MYO7B: variants seen among roughly 807,000 people sequenced by gnomAD.
MYO7B encodes the protein myosin VIIB.
A neutral mutation model predicts 259.7 loss-of-function variants in MYO7B; 212 were observed. The ratio of observed to expected loss-of-function variants is 0.82; its 90% confidence interval spans 0.73 to 0.91. The LOEUF is 0.91. Ranked by LOEUF, MYO7B falls within the 40% of genes least tolerant of loss-of-function variation. The pLI, the probability that MYO7B is intolerant of heterozygous loss-of-function variation, is 0.00. For missense variants in MYO7B, 2,732 were observed against 2,813.5 expected (o/e 0.97, Z 0.66); for synonymous variants, 1,197 against 1,166.4 (o/e 1.03, Z -0.54).
rs1194337397 is a variant in MYO7B at position 127,632,325 on chromosome 2, G to A, written c.5329G>A (p.Ala1777Thr). 1.9e-6 allele frequency: 3 copies of A among 1,607,672 alleles called. No individual in the cohort carries two copies. Among genetic ancestry groups the A allele is most frequent in the Admixed American group, 1.7e-5 (1 of 58,630 alleles). The change falls in exon 39 of 48, where the codon GCC becomes ACC. Residue 1777 changes from alanine (A) to threonine (T), a missense_variant. Physicochemically the swap from Ala to Thr is moderately conservative, Grantham distance 58. Around this residue, in one of 3 missense-constraint regions of MYO7B, gnomAD observed 821 missense variants for 769.3 expected, o/e 1.07. Coordinates refer to ENST00000409816, the MANE Select transcript of MYO7B (RefSeq NM_001393586.1). ...FPPSKGLLPH[A>T]QKFIDTRRGK... ...GCCCAGCAAGGGGCTGCTGCCCCATGCCCAGAAGTTTATAGACACTCGGAG... is the reference window on the plus strand; with the variant it reads ...GCCCAGCAAGGGGCTGCTGCCCCATACCCAGAAGTTTATAGACACTCGGAG...
chr2:127,603,573 T>C (rs1014464244), intron 19 of MYO7B, among the ~76,000 whole-genome samples: 5 of 152,198 alleles, frequency 3.3e-5, no homozygotes, highest in African/African-American at 1.2e-4. Flanking sequence ...ATGCTATAAA[T>C]AGATGTGCTG....
rs999315433 is a variant in MYO7B, at chr2:127,578,220, T to C, written c.937T>C (p.Ser313Pro). 7.4e-6 allele frequency: 12 copies of C among 1,613,580 alleles called. No individual in the cohort carries two copies. Among genetic ancestry groups the C allele is most frequent in the Non-Finnish European group, 9.3e-6 (11 of 1,179,838 alleles). ...SAMKILQFSD[S>P]ESWDVIKLLA... ...CATGAAGATCCTCCAGTTCTCCGACTCCGAGAGCTGGGACGTCATCAAGCT... is the reference window on the plus strand; with the variant it reads ...CATGAAGATCCTCCAGTTCTCCGACCCCGAGAGCTGGGACGTCATCAAGCT... The change falls in exon 9 of 48, where the codon TCC becomes CCC. Residue 313 changes from serine (S) to proline (P), a missense_variant. By Grantham distance (74) the Ser-to-Pro change is moderately conservative. This residue lies in a region of MYO7B where 1,906 missense variants were observed against 2,026.4 expected (regional missense o/e 0.94). Coordinates refer to ENST00000409816, the MANE Select transcript of MYO7B (RefSeq NM_001393586.1).
rs1573720676 is a variant in MYO7B at position 127,629,645 on chromosome 2, A to G, written c.4625A>G (p.Asp1542Gly). The part of the protein sequence containing the change: ...AMALQDRKAT[D>G]DTTLLAFKKG... The stretch of plus-strand genomic sequence containing the variant: ...GCAAATAGCCTCCCTGCCCTTACAG[A>G]TGACACCACCCTCCTGGCCTTCAAG... Residue 1542 changes from aspartate (D) to glycine (G), a missense_variant and splice_region_variant, in exon 35 of 48, where the codon GAT becomes GGT. Physicochemically the swap from Asp to Gly is moderately conservative, Grantham distance 94. Around this residue, in one of 3 missense-constraint regions of MYO7B, gnomAD observed 5 missense variants for 17.7 expected, o/e 0.28. Coordinates refer to ENST00000409816, the MANE Select transcript of MYO7B (RefSeq NM_001393586.1). 1.2e-6 allele frequency: 2 copies of G among 1,611,596 alleles called. No homozygotes were observed. Among genetic ancestry groups the G allele is most frequent in the Middle Eastern group, 1.7e-4 (1 of 6,052 alleles).
chr2:127,575,398 C>T lies in MYO7B; in HGVS notation c.736-1197C>T, dbSNP rs60117709. ...ATACCCTGAAATGGGCAGGAAATTT[C>T]TAAAGCAGGTGAGAAACAAGGCCTG... On this transcript the variant is annotated intron_variant, in intron 7 of 47. Coordinates refer to ENST00000409816, the MANE Select transcript of MYO7B (RefSeq NM_001393586.1). 1.2e-4 allele frequency among the ~76,000 whole-genome samples: 18 copies of T among 152,048 alleles called. 1 individual carries two copies. The East Asian group carries it at 3.5e-3, about 29-fold the overall frequency.
Position 127,573,907 on chromosome 2 carries a change from C to A in MYO7B, c.593-13C>A. ...CTCTGCTCCCATCATGGGCATCGCCCGCTTACCTTCAGCCTTTGGAAATGC... is the reference window on the plus strand; with the variant it reads ...CTCTGCTCCCATCATGGGCATCGCCAGCTTACCTTCAGCCTTTGGAAATGC... On this transcript the variant is annotated splice_polypyrimidine_tract_variant and intron_variant, in intron 6 of 47. Coordinates refer to ENST00000409816, the MANE Select transcript of MYO7B (RefSeq NM_001393586.1). The A allele has an allele frequency of 6.2e-7, 1 of 1,614,012 alleles. No individual in the cohort carries two copies. The highest frequency in any genetic ancestry group is 8.5e-7 in the Non-Finnish European group (1 of 1,179,876).
intron 6 of MYO7B, among the ~76,000 whole-genome samples, chr2:127,571,452 T>G (rs1294767119): frequency 5.7e-5 from 8 of 140,532 alleles, no homozygotes; most frequent in African/African-American, 7.9e-5. Flanking sequence ...GTTTTTTTTT[T>G]TTTTTTTGCT....
intron 1 of MYO7B, among the ~76,000 whole-genome samples, chr2:127,536,051 G>A (rs1038508241): frequency 2.0e-5 from 3 of 152,158 alleles, no homozygotes; most frequent in African/African-American, 7.2e-5. Flanking sequence ...GGAGGAGGAG[G>A]AGGGGGAGAA....
In MYO7B at chr2:127,629,764, C is replaced by T. The variant is rs773776637; in HGVS notation, c.4744C>T (p.Leu1582=). 3.0e-5 allele frequency: 48 copies of T among 1,610,030 alleles called. No homozygotes were observed. The highest frequency in any genetic ancestry group is 3.9e-5 in the Non-Finnish European group (46 of 1,178,344). The change falls in exon 35 of 48, where the codon CTG becomes TTG. Residue 1582 remains leucine (L), a synonymous_variant. Coordinates refer to ENST00000409816, the MANE Select transcript of MYO7B (RefSeq NM_001393586.1). ...GAACGACAGGACAGGCAAGACGGGG[C>T]TGGTGCCCATGGCCTGCCTCTACAC... ...GQNDRTGKTG[L]VPMACLYTIP...
At position 127,546,762 on chromosome 2, in the gene MYO7B, G is replaced by GTCCGTCCATCCA. The variant is rs5834178; in HGVS notation, c.-24+10934_-24+10935insGTCCATCCATCC. On this transcript the variant is annotated intron_variant, in intron 1 of 47. Transcript: ENST00000409816. This position sits in a 1 kb window ranked among gnomAD's most constrained non-coding sequence, Gnocchi z 4.2. ...ATGCCTCACCTGCTTTCCTGGGTAG[G>GTCCGTCCATCCA]TCCATCCATCCATCCATCCATCCAT... is the stretch of plus-strand genomic sequence containing the variant. 1.3e-5 allele frequency among the ~76,000 whole-genome samples: 2 copies of GTCCGTCCATCCA among 149,432 alleles called. No homozygotes were observed. Among genetic ancestry groups the GTCCGTCCATCCA allele is most frequent in the African/African-American group, 5.0e-5 (2 of 40,274 alleles).
intron 27 of MYO7B, among the ~76,000 whole-genome samples, chr2:127,620,879 C>T (rs1680810420): frequency 6.6e-6 from 1 of 152,198 alleles, no homozygotes; most frequent in African/African-American, 2.4e-5. Flanking sequence ...TGGCCCCAAG[C>T]TTCACTGATT....
chr2:127,629,483 G>C (rs1681342478), intron 34 of MYO7B, among the ~76,000 whole-genome samples, 162 bp from the exon 35 acceptor site: 1 of 152,156 alleles, frequency 6.6e-6, no homozygotes, highest in Non-Finnish European at 1.5e-5. Context: ...AGCCGTCTGA[G>C]GCCCCTGAGG....
At position 127,611,280 on chromosome 2, in the gene MYO7B, G is replaced by A. The variant is rs1299458420; in HGVS notation, c.3193-970G>A. 6.6e-6 allele frequency among the ~76,000 whole-genome samples: 1 copy of A among 152,236 alleles called. No homozygotes were observed. The highest frequency in any genetic ancestry group is 1.5e-5 in the Non-Finnish European group (1 of 68,044). Reference sequence around the variant, plus strand: ...CCAGTCTTGGAAGTCACATACCTGTGGCTGTGGGAGGGGCCCACACAGGGC... The same window carrying A: ...CCAGTCTTGGAAGTCACATACCTGTAGCTGTGGGAGGGGCCCACACAGGGC... On this transcript the variant is annotated intron_variant, in intron 24 of 47. Coordinates refer to ENST00000409816, the MANE Select transcript of MYO7B (RefSeq NM_001393586.1). This position sits in a 1 kb window ranked among gnomAD's most constrained non-coding sequence, Gnocchi z 5.4.
chr2:127,557,427 A>T (rs1293760344), intron 1 of MYO7B, among the ~76,000 whole-genome samples: 1 of 151,740 alleles, frequency 6.6e-6, no homozygotes, highest in African/African-American at 2.4e-5. Context: ...CTTGGTTTGG[A>T]CCCATTGCTG....
intron 38 of MYO7B, 25 bp from the exon 39 acceptor site, chr2:127,632,221 C>A: frequency 6.2e-7 from 1 of 1,606,128 alleles, no homozygotes; most frequent in Admixed American, 1.7e-5. Context: ...GGGGCCTTTC[C>A]CGGCTGACAA....
chr2:127,570,402 G>A (rs889001212), intron 6 of MYO7B, among the ~76,000 whole-genome samples: 60 of 152,312 alleles, frequency 3.9e-4, no homozygotes, highest in African/African-American at 1.4e-3. Flanking sequence ...GTCGGGAGAG[G>A]CTCACGCTGT....
intron 19 of MYO7B, among the ~76,000 whole-genome samples, chr2:127,604,379 C>G (rs1390716262): frequency 1.3e-5 from 2 of 152,184 alleles, no homozygotes; most frequent in African/African-American, 4.8e-5. Context: ...GGATCTTGCT[C>G]TGGGTTGGGC....
At chr2:127,588,348 T>C (rs1186956741) in intron 14 of MYO7B, 44 bp from the exon 15 acceptor site, 4 of 1,602,948 alleles carry the variant, frequency 2.5e-6, no homozygotes, top group Non-Finnish European at 3.4e-6. Context: ...GGGTGGGCAG[T>C]GATGGCTAAG....
intron 1 of MYO7B, among the ~76,000 whole-genome samples, chr2:127,548,328 A>G (rs1693315854): frequency 6.9e-6 from 1 of 145,736 alleles, no homozygotes; most frequent in African/African-American, 2.5e-5. Context: ...TCTAATTTTT[A>G]TTTTTTATTT....
At chr2:127,626,142 T>C (rs1573712900) in intron 31 of MYO7B, 1 of 152,124 alleles carries the variant, frequency 6.6e-6, no homozygotes, top group East Asian at 1.9e-4. Flanking sequence ...ACAGTGGTGC[T>C]GGGGAGAGGA....
Sources: allele counts gnomAD v4.1 joint callset (sites outside exome capture counted in the v4.1 genomes callset), GRCh38; gene constraint gnomAD v4.1.1; regional missense constraint gnomAD v4.1.1; non-coding constraint Gnocchi (gnomAD v3.1); transcripts MANE v1.5; gene names NCBI Gene and HGNC (gene_info 2026-07-23, HGNC 2026-07-21).